The following ROBO2 variants were observed in gnomAD, a reference collection of about 807,000 sequenced individuals.
ROBO2 encodes roundabout guidance receptor 2.
A neutral mutation model predicts 160.8 loss-of-function variants in ROBO2; 53 were observed. The observed-to-expected ratio is 0.33, with a 90% CI of 0.26 to 0.41. The LOEUF (loss-of-function observed/expected upper bound fraction) is 0.41. Ranked by LOEUF, ROBO2 falls within the 10% of genes least tolerant of loss-of-function variation. The pLI, the probability that ROBO2 is intolerant of heterozygous loss-of-function variation, is 1.00. For missense variants in ROBO2, 1,577 were observed against 1,722.4 expected (o/e 0.92, Z 1.49); for synonymous variants, 664 against 611.7 (o/e 1.09, Z -1.26).
chr3:76,080,262 A>AT (rs545581763), intron 2 of ROBO2, among the ~76,000 whole-genome samples: 1 of 152,276 alleles, frequency 6.6e-6, no homozygotes, highest in African/African-American at 2.4e-5. Context: ...AATCGGTTCT[A>AT]TTTTTGGCTT....
At chr3:76,502,940 A>G (rs994458864) in intron 2 of ROBO2, among the ~76,000 whole-genome samples, 2 of 152,160 alleles carry the variant, frequency 1.3e-5, no homozygotes, top group Non-Finnish European at 2.9e-5. Flanking sequence ...CTTTCATGGA[A>G]CAACCATGTA....
At chr3:75,933,118 G>T (rs1465819642) in intron 1 of ROBO2, among the ~76,000 whole-genome samples, 3 of 152,094 alleles carry the variant, frequency 2.0e-5, no homozygotes, top group Non-Finnish European at 4.4e-5. Flanking sequence ...AAGGACAAAG[G>T]CTCCAGTATA....
chr3:77,174,193 T>G (rs2079911362), intron 2 of ROBO2, among the ~76,000 whole-genome samples: 1 of 152,086 alleles, frequency 6.6e-6, no homozygotes, highest in African/African-American at 2.4e-5. Context: ...AACTGAGTCC[T>G]GGGTGTCCCC....
At chr3:76,796,286 A>T (rs978399325) in intron 2 of ROBO2, among the ~76,000 whole-genome samples, 2 of 152,084 alleles carry the variant, frequency 1.3e-5, no homozygotes, top group Non-Finnish European at 2.9e-5. Flanking sequence ...CCTGAAAAAT[A>T]TGTTTTTTAG....
chr3:77,364,518 GT>G (rs762148365), intron 2 of ROBO2, among the ~76,000 whole-genome samples: 12 of 152,120 alleles, frequency 7.9e-5, no homozygotes, highest in African/African-American at 2.4e-4. Flanking sequence ...GAAAGAGTCA[GT>G]AACAGGCATA....
intron 2 of ROBO2, among the ~76,000 whole-genome samples, chr3:77,028,909 A>G (rs2063144393): frequency 6.6e-6 from 1 of 152,032 alleles, no homozygotes; most frequent in Non-Finnish European, 1.5e-5. Context: ...TTTCTTTCCA[A>G]TCCCTGTTGT....
chr3:76,210,030 G>A (rs1463680896), intron 2 of ROBO2, among the ~76,000 whole-genome samples: 1 of 152,064 alleles, frequency 6.6e-6, no homozygotes, highest in Admixed American at 6.6e-5. Flanking sequence ...CTTTGGTCTA[G>A]TCCAGTAGCA....
At chr3:76,320,106 G>T (rs1188737705) in intron 2 of ROBO2, among the ~76,000 whole-genome samples, 1 of 151,932 alleles carries the variant, frequency 6.6e-6, no homozygotes, top group African/African-American at 2.4e-5. Flanking sequence ...TATCATATTT[G>T]CTTCAGATTT....
At chr3:76,042,057 G>A (rs1158747635) in intron 2 of ROBO2, among the ~76,000 whole-genome samples, 1 of 149,150 alleles carries the variant, frequency 6.7e-6, no homozygotes, top group Non-Finnish European at 1.5e-5. Flanking sequence ...CCAGAACATA[G>A]TAAAGTGACA....
chr3:76,763,245 A>G (rs1190745736), intron 2 of ROBO2, among the ~76,000 whole-genome samples: 1 of 151,744 alleles, frequency 6.6e-6, no homozygotes, highest in Non-Finnish European at 1.5e-5. Context: ...GCATTTGTCT[A>G]ATGATGCCAA....
chr3:77,480,303 A>G (rs1310787427), intron 3 of ROBO2, among the ~76,000 whole-genome samples: 1 of 20,420 alleles, frequency 4.9e-5, no homozygotes, highest in African/African-American at 1.1e-4. Context: ...AATGAGTACC[A>G]AAAAAAAAAA....
intron 2 of ROBO2, among the ~76,000 whole-genome samples, chr3:76,276,568 T>G (rs536910600): frequency 3.3e-5 from 5 of 152,096 alleles, no homozygotes; most frequent in Non-Finnish European, 5.9e-5. Flanking sequence ...TTTTAATTCA[T>G]TTGTTTAAAA....
At chr3:76,088,117 A>G (rs1418195287) in intron 2 of ROBO2, among the ~76,000 whole-genome samples, 1 of 152,086 alleles carries the variant, frequency 6.6e-6, no homozygotes, top group Non-Finnish European at 1.5e-5. Flanking sequence ...AAAGAAAGTA[A>G]TCAGGGATAA....
intron 22 of ROBO2, among the ~76,000 whole-genome samples, chr3:77,619,138 C>T (rs1321542510): frequency 1.3e-5 from 2 of 152,122 alleles, no homozygotes; most frequent in Non-Finnish European, 2.9e-5. Flanking sequence ...GGACCACTGC[C>T]GTGGAGATGA....
chr3:77,371,210 C>G (rs2071703027), intron 2 of ROBO2, among the ~76,000 whole-genome samples: 1 of 152,160 alleles, frequency 6.6e-6, no homozygotes. Flanking sequence ...AAAACAAGAA[C>G]ACTAGCCCAT....
In ROBO2 at chr3:77,620,662, A is replaced by C. The variant is rs544490745; in HGVS notation, c.3555-1565A>C. Among the ~76,000 whole-genome samples the C allele has an allele frequency of 9.2e-5, 14 of 152,356 alleles. 1 individual carries two copies. Among genetic ancestry groups the C allele is most frequent in the African/African-American group, 2.2e-4 (9 of 41,592 alleles). ...TGATGATATTGAGGTAGCTTCCAGA[A>C]TTAGAAATTTTTTTAACATTGAAAC... On this transcript the variant is annotated intron_variant, in intron 22 of 25. Coordinates refer to ENST00000461745, the Ensembl canonical transcript of ROBO2.
At chr3:75,908,458 G>A (rs1946440020) in intron 1 of ROBO2, among the ~76,000 whole-genome samples, 1 of 41,668 alleles carries the variant, frequency 2.4e-5, no homozygotes, top group Non-Finnish European at 5.0e-5. Flanking sequence ...TAGATGTAGA[G>A]ACTGTGTCAC....
chr3:76,048,053 G>A (rs1375523433), intron 2 of ROBO2, among the ~76,000 whole-genome samples: 1 of 152,080 alleles, frequency 6.6e-6, no homozygotes, highest in African/African-American at 2.4e-5. Flanking sequence ...TTGATACTGA[G>A]CATTGTATTA....
intron 2 of ROBO2, among the ~76,000 whole-genome samples, chr3:76,032,304 C>G (rs1034704938): frequency 2.6e-5 from 4 of 151,936 alleles, no homozygotes; most frequent in African/African-American, 9.7e-5. Context: ...TTCAAAAAAA[C>G]CAGCGCTTGG....
Sources: gnomAD v4.1 joint callset for allele counts (sites outside exome capture counted in the v4.1 genomes callset) on GRCh38, gnomAD v4.1.1 for gene constraint, MANE v1.5 for transcripts, NCBI Gene and HGNC (gene_info 2026-07-23, HGNC 2026-07-21) for gene names.